PCP4L1: variants seen among roughly 807,000 people sequenced by gnomAD.
PCP4L1 encodes Purkinje cell protein 4-like protein 1.
In PCP4L1, 9 loss-of-function variants were observed where a neutral mutation model predicts 9.6. The observed-to-expected ratio is 0.94, with a 90% confidence interval of 0.57 to 1.64. PCP4L1 has a LOEUF of 1.64. Ranked by LOEUF, PCP4L1 falls within the 40% of genes most tolerant of loss-of-function variation. The pLI, the probability that PCP4L1 is intolerant of heterozygous loss-of-function variation, is 0.00. For synonymous variants in PCP4L1, 31 were observed against 28.2 expected, an observed-to-expected ratio of 1.10 and a Z score of -0.31; for missense variants, 81 against 80.8, an observed-to-expected ratio of 1.00 and a Z score of -0.01.
At chr1:161,276,720 T>TAC (rs1669704368) in intron 1 of PCP4L1, among the ~76,000 whole-genome samples, 1 of 121,368 alleles carries the variant, frequency 8.2e-6, no homozygotes, top group African/African-American at 3.1e-5. Flanking sequence ...TGTGTGTATA[T>TAC]ATATATGTGT....
At chr1:161,277,477 A>AT (rs139688883) in intron 1 of PCP4L1, among the ~76,000 whole-genome samples, 4,316 of 152,282 alleles carry the variant, frequency 0.028, 202 homozygotes, top group African/African-American at 0.099. Context: ...ATAGGGTGCC[A>AT]TCTTCTTAGA....
In PCP4L1 at chr1:161,258,872, T is replaced by C; in HGVS notation, c.-103T>C. On this transcript the variant is annotated 5_prime_UTR_variant, in exon 1 of 3. Transcript: ENST00000504449. Reference sequence around the variant, plus strand: ...TCCTCTCCTGGTCAGCTGTAACCCCTGCCGCAGAGCCCGGCAACTTTCAGC... The same window carrying C: ...TCCTCTCCTGGTCAGCTGTAACCCCCGCCGCAGAGCCCGGCAACTTTCAGC... 1.3e-6 allele frequency: 2 copies of C among 1,503,076 alleles called. No individual in the cohort carries two copies. 93.1% of individuals were successfully genotyped at this position (1,503,076 alleles called of 1,614,324 possible). A position where few individuals can be genotyped will look rare whatever the true frequency, so the allele number is the denominator to read the frequency against.
chr1:161,277,305 A>T (rs1278759861), intron 1 of PCP4L1, among the ~76,000 whole-genome samples: 5 of 152,218 alleles, frequency 3.3e-5, no homozygotes, highest in Admixed American at 6.5e-5. Context: ...TTGTGTCAGC[A>T]TGTGACAATA....
intron 1 of PCP4L1, among the ~76,000 whole-genome samples, chr1:161,275,481 A>G (rs1268109003): frequency 7.0e-6 from 1 of 143,024 alleles, no homozygotes; most frequent in African/African-American, 2.6e-5. Context: ...GCGCCACTGC[A>G]CTCTAGTCTG....
In PCP4L1 at chr1:161,283,831, T is replaced by A; in HGVS notation, c.64+109T>A. ...AAGTCAGACATGAAAGGAATAAGAA[T>A]GTGGATAAGTGAAACAAAGTACCAG... On this transcript the variant is annotated intron_variant, in intron 2 of 2. Coordinates refer to ENST00000504449, the MANE Select transcript of PCP4L1 (RefSeq NM_001102566.2). 3.6e-6 allele frequency: 4 copies of A among 1,108,408 alleles called. No homozygotes were observed. In the East Asian group the frequency reaches 7.7e-5, roughly 21 times the overall value. The allele number at this position is 1,108,408 out of a possible 1,614,324, so 68.7% of individuals were successfully genotyped here.
At chr1:161,259,078 C>A in intron 1 of PCP4L1, 95 bp downstream of exon 1, 1 of 1,476,990 alleles carries the variant, frequency 6.8e-7, no homozygotes, top group Non-Finnish European at 9.0e-7. Flanking sequence ...GCGAGGCAGA[C>A]CGGAGCCGCG....
At chr1:161,272,897 G>A (rs1488485848) in intron 1 of PCP4L1, among the ~76,000 whole-genome samples, 3 of 152,072 alleles carry the variant, frequency 2.0e-5, no homozygotes, top group Non-Finnish European at 4.4e-5. Context: ...ATAGGCAAGT[G>A]TGTGGTGCTT....
chr1:161,274,595 G>A (rs114853094), intron 1 of PCP4L1, among the ~76,000 whole-genome samples: 2,197 of 152,250 alleles, frequency 0.014, 66 homozygotes, highest in African/African-American at 0.05. Flanking sequence ...GCTTGCAGAT[G>A]CGTATACCAG....
At chr1:161,281,788 G>GAT (rs1173333565) in intron 1 of PCP4L1, among the ~76,000 whole-genome samples, 15 of 26,212 alleles carry the variant, frequency 5.7e-4, no homozygotes, top group South Asian at 3.4e-3. Flanking sequence ...CATCCCGGAC[G>GAT]GGGCGGCGGG....
intron 1 of PCP4L1, among the ~76,000 whole-genome samples, chr1:161,270,028 G>A (rs190471457): frequency 3.3e-5 from 5 of 150,664 alleles, no homozygotes; most frequent in African/African-American, 1.2e-4. Flanking sequence ...TGGGCGTGGT[G>A]GCTCACGCCT....
chr1:161,276,419 G>A (rs1175957422), intron 1 of PCP4L1, among the ~76,000 whole-genome samples: 1 of 152,118 alleles, frequency 6.6e-6, no homozygotes, highest in Non-Finnish European at 1.5e-5. Context: ...GTGGTGGCTT[G>A]TGCCTTTAAT....
chr1:161,268,447 C>G (rs571728329), intron 1 of PCP4L1, among the ~76,000 whole-genome samples: 1 of 152,110 alleles, frequency 6.6e-6, no homozygotes, highest in South Asian at 2.1e-4. Flanking sequence ...TTGACCTAAA[C>G]CTATTCTTAT....
chr1:161,272,573 A>T (rs897066172), intron 1 of PCP4L1, among the ~76,000 whole-genome samples: 73 of 151,704 alleles, frequency 4.8e-4, no homozygotes, highest in African/African-American at 1.7e-3. Context: ...AAAAAAAAAA[A>T]AAAAATTGGT....
At chr1:161,274,583 T>C (rs1219707013) in intron 1 of PCP4L1, among the ~76,000 whole-genome samples, 1 of 152,202 alleles carries the variant, frequency 6.6e-6, no homozygotes, top group African/African-American at 2.4e-5. Context: ...GTTAGTCTGA[T>C]GGCTTGCAGA....
chr1:161,264,859 G>A (rs6682220), intron 1 of PCP4L1, among the ~76,000 whole-genome samples: 42,680 of 152,088 alleles, frequency 0.28, 6,179 homozygotes, highest in East Asian at 0.42. Context: ...TATAAGCAGT[G>A]TGATCTAATA....
intron 1 of PCP4L1, among the ~76,000 whole-genome samples, chr1:161,280,613 C>T (rs1432917897): frequency 6.6e-6 from 1 of 152,146 alleles, no homozygotes; most frequent in Non-Finnish European, 1.5e-5. Flanking sequence ...CCTTCATGGA[C>T]ACTTCTCTTA....
rs187731316 is a variant in PCP4L1, at chr1:161,260,833, A to G, written c.9+1850A>G. On this transcript the variant is annotated intron_variant, in intron 1 of 2. Coordinates refer to ENST00000504449, the MANE Select transcript of PCP4L1 (RefSeq NM_001102566.2). ...TGTACCCAAGTCTGCCCAGCCTCCT[A>G]GGCTATCAGAGCAAACTGGTTTTAA... 2.6e-5 allele frequency among the ~76,000 whole-genome samples: 4 copies of G among 152,284 alleles called. No individual in the cohort carries two copies. In the East Asian group the frequency reaches 5.8e-4, roughly 22 times the overall value.
At chr1:161,265,491 C>T (rs1373983487) in intron 1 of PCP4L1, among the ~76,000 whole-genome samples, 1 of 152,008 alleles carries the variant, frequency 6.6e-6, no homozygotes, top group African/African-American at 2.4e-5. Flanking sequence ...CCACTGCATT[C>T]CAGCTTAGGC....
chr1:161,262,453 A>G (rs111978377), intron 1 of PCP4L1, among the ~76,000 whole-genome samples: 3 of 148,656 alleles, frequency 2.0e-5, no homozygotes, highest in African/African-American at 7.8e-5. Flanking sequence ...AAAAAAAAAA[A>G]AAAGAAATGC....
Sources: allele counts gnomAD v4.1 joint callset (sites outside exome capture counted in the v4.1 genomes callset), GRCh38; gene constraint gnomAD v4.1.1; transcripts MANE v1.5; gene names NCBI Gene and HGNC (gene_info 2026-07-23, HGNC 2026-07-21).